Variants in DBN1 observed in about 807,000 individuals in gnomAD.
The protein encoded by DBN1 is drebrin 1.
In DBN1, 21 loss-of-function variants were observed where a neutral mutation model predicts 83.5. The observed-to-expected ratio is 0.25, with a 90% CI of 0.18 to 0.36. DBN1 has a LOEUF of 0.36. DBN1 is among the 10% of genes least tolerant of loss of function. The pLI is 1.00. For missense variants in DBN1, 874 were observed against 935.7 expected (o/e 0.93, Z 0.86); for synonymous variants, 381 against 384.9 (o/e 0.99, Z 0.12).
intron 2 of DBN1, 101 bp from the exon 3 acceptor site, chr5:177,468,321 C>A (rs1158852536): frequency 5.0e-6 from 5 of 1,004,996 alleles, no homozygotes; most frequent in South Asian, 4.0e-5. Context: ...TCCACAGGCA[C>A]CCCCAGGGGT....
Position 177,459,708 on chromosome 5 carries a change from C to A in DBN1, c.988G>T (p.Asp330Tyr). The change falls in exon 11 of 15, where the codon GAC becomes TAC. Residue 330 changes from aspartate (D) to tyrosine (Y), a missense_variant. By Grantham distance (160) the Asp-to-Tyr change is radical. This residue lies in a region of DBN1 where 725 missense variants were observed against 719.7 expected (regional missense o/e 1.01). Transcript: ENST00000393565. ...RPYCPFIKAS[D>Y]SGPSSSSSSS... Reference sequence around the variant, plus strand: ...GAGGAGGAGGAGGAAGGCCCACTGTCCGATGCCTTTATGAAAGGGCAGTAC... The same window carrying A: ...GAGGAGGAGGAGGAAGGCCCACTGTACGATGCCTTTATGAAAGGGCAGTAC... 1 of 1,580,294 alleles carries A rather than the reference C, an allele frequency of 6.3e-7. No homozygotes were observed.
At chr5:177,460,300 G>T in intron 10 of DBN1, 132 bp downstream of exon 10, 1 of 1,335,854 alleles carries the variant, frequency 7.5e-7, no homozygotes, top group Non-Finnish European at 1.0e-6. Context: ...GTGGGCGGAT[G>T]CACGCTGGAT....
intron 1 of DBN1, among the ~76,000 whole-genome samples, chr5:177,471,202 G>A (rs954677921): frequency 3.9e-5 from 6 of 152,074 alleles, no homozygotes; most frequent in African/African-American, 1.2e-4. Flanking sequence ...GAGGGCAGGT[G>A]GACCCCGCAG....
Position 177,458,714 on chromosome 5 carries a change from C to T in DBN1, c.1265-7G>A, listed in dbSNP as rs1756765159. ...GGGCTGGGCTCCTGGGTCTCTGTCA[C>T]AGCACAGGCAGAGGAGATATGTAAC... On this transcript the variant is annotated splice_region_variant and splice_polypyrimidine_tract_variant and intron_variant, in intron 12 of 14. Coordinates refer to ENST00000393565, the MANE Select transcript of DBN1 (RefSeq NM_001363541.2). The T allele has an allele frequency of 2.7e-6, 4 of 1,507,048 alleles. No homozygotes were observed. Among genetic ancestry groups the T allele is most frequent in the Non-Finnish European group, 3.5e-6 (4 of 1,135,534 alleles). 93.4% of individuals were successfully genotyped at this position (1,507,048 alleles called of 1,614,324 possible).
intron 3 of DBN1, 26 bp downstream of exon 3, chr5:177,468,082 C>G: frequency 1.6e-6 from 2 of 1,246,916 alleles, no homozygotes; most frequent in South Asian, 2.4e-5. Flanking sequence ...GGCCCTCAGC[C>G]CCCTTCCCCA....
At position 177,466,735 on chromosome 5, in the gene DBN1, C is replaced by G. The variant is rs1458183803; in HGVS notation, c.771+37G>C. ...GAACACAGGGACCATTCTCACTTCC[C>G]TGACCCAGAGACCGGGAGCCTTGGC... On this transcript the variant is annotated intron_variant, in intron 8 of 14. Coordinates refer to ENST00000393565, the MANE Select transcript of DBN1 (RefSeq NM_001363541.2). The surrounding 1 kb of genome is among the most constrained non-coding windows in gnomAD (Gnocchi z 4.8). The G allele has an allele frequency of 6.2e-7, 1 of 1,612,214 alleles. No individual in the cohort carries two copies. The highest frequency in any genetic ancestry group is 8.5e-7 in the Non-Finnish European group (1 of 1,178,322).
intron 10 of DBN1, 21 bp downstream of exon 10, chr5:177,460,411 G>T: frequency 6.2e-7 from 1 of 1,612,906 alleles, no homozygotes; most frequent in Non-Finnish European, 8.5e-7. Context: ...GGGCCGGACG[G>T]GGGGTGGGGC....
At chr5:177,465,640 G>T (rs1447974800) in intron 8 of DBN1, among the ~76,000 whole-genome samples, 1 of 152,080 alleles carries the variant, frequency 6.6e-6, no homozygotes, top group Non-Finnish European at 1.5e-5. Flanking sequence ...CAGATCAACC[G>T]AGGTCAGGAG....
intron 11 of DBN1, 65 bp downstream of exon 11, chr5:177,459,538 C>G (rs385981): frequency 4.6e-4 from 629 of 1,380,972 alleles, no homozygotes; most frequent in Middle Eastern, 1.0e-3. Flanking sequence ...GGAGTGAGGG[C>G]GGGGGGCTGC....
At chr5:177,469,427 C>T (rs1023631921) in intron 1 of DBN1, among the ~76,000 whole-genome samples, 3 of 152,140 alleles carry the variant, frequency 2.0e-5, no homozygotes, top group African/African-American at 7.2e-5. Context: ...CCCACCCCAA[C>T]TGCATTCTCC....
At chr5:177,468,934 G>T in intron 1 of DBN1, 35 bp from the exon 2 acceptor site, 1 of 1,299,778 alleles carries the variant, frequency 7.7e-7, no homozygotes, top group Non-Finnish European at 9.9e-7. Flanking sequence ...CAAACTGTCA[G>T]GGCCCAGGCC....
chr5:177,472,605 G>A (rs563657956), intron 1 of DBN1, among the ~76,000 whole-genome samples: 20 of 152,164 alleles, frequency 1.3e-4, no homozygotes, highest in African/African-American at 4.8e-4. Flanking sequence ...CCCCTTGCTG[G>A]GGGCCGGTGG....
rs1307217929 is a variant in DBN1 at position 177,473,559 on chromosome 5, G to A, written c.-38C>T. 5 of 1,286,920 alleles carry A rather than the reference G, an allele frequency of 3.9e-6. No homozygotes were observed. The highest frequency in any genetic ancestry group is 1.8e-5 in the South Asian group (1 of 54,108). The allele number at this position is 1,286,920 out of a possible 1,614,324, so 79.7% of individuals were successfully genotyped here. On this transcript the variant is annotated 5_prime_UTR_variant, in exon 1 of 15. Transcript: ENST00000393565. Reference sequence around the variant, plus strand: ...ACCGGGCCGAACGGACAGACGCGCGGACGGACGGGCGGACGGAGGAGGAGG... The same window carrying A: ...ACCGGGCCGAACGGACAGACGCGCGAACGGACGGGCGGACGGAGGAGGAGG...
chr5:177,463,470 G>A (rs1352758987), intron 8 of DBN1, among the ~76,000 whole-genome samples: 1 of 152,208 alleles, frequency 6.6e-6, no homozygotes, highest in African/African-American at 2.4e-5. Context: ...TCAGATACAC[G>A]GGAGCTCCCC....
rs772197027 is a variant in DBN1, at chr5:177,459,758, CAGAG to C, written c.956-22_956-19del. The stretch of plus-strand genomic sequence containing the variant: ...CGGACGACCTGCCGAGAGAGACAGA[CAGAG>C]AAAGAGACAGAGGACAAGAGAGGGT... On this transcript the variant is annotated intron_variant, in intron 10 of 14. Coordinates refer to ENST00000393565, the MANE Select transcript of DBN1 (RefSeq NM_001363541.2). The C allele has an allele frequency of 2.7e-6, 4 of 1,474,184 alleles. No homozygotes were observed. The highest frequency in any genetic ancestry group is 2.5e-5 in the Admixed American group (1 of 40,476). 91.3% of individuals were successfully genotyped at this position (1,474,184 alleles called of 1,614,324 possible). A position where few individuals can be genotyped will look rare whatever the true frequency, so the allele number is the denominator to read the frequency against.
chr5:177,458,198 G>A lies in DBN1; in HGVS notation c.1774C>T (p.Pro592Ser), dbSNP rs764386520. 1.2e-5 allele frequency: 19 copies of A among 1,612,776 alleles called. No homozygotes were observed. The Middle Eastern group carries it at 2.5e-3, about 209-fold the overall frequency. Residue 592 changes from proline to serine, a missense_variant, in exon 13 of 15, where the codon CCA becomes TCA. Around this residue, in one of 4 missense-constraint regions of DBN1, gnomAD observed 725 missense variants for 719.7 expected, o/e 1.01. Transcript: ENST00000393565. ...AGGGACTCCCCTTCCACTTCCTCTG[G>A]GTCACAGAAGGTGGCTGGCGGCTCA... ...LPEPPATFCD[P>S]EEVEGESLAA...
rs774735826 is a variant in DBN1 at position 177,457,608 on chromosome 5, C to T, written c.2017+47G>A. Reference sequence around the variant, plus strand: ...GTGGGGTGGCTACCCACACTCAAATCCAGCCCCCGCACCCAAATTCCTCCC... The same window carrying T: ...GTGGGGTGGCTACCCACACTCAAATTCAGCCCCCGCACCCAAATTCCTCCC... On this transcript the variant is annotated intron_variant, in intron 14 of 14. Coordinates refer to ENST00000393565, the MANE Select transcript of DBN1 (RefSeq NM_001363541.2). 12 of 1,529,802 alleles carry T rather than the reference C, an allele frequency of 7.8e-6. No homozygotes were observed. In the South Asian group the frequency reaches 1.4e-4, roughly 17 times the overall value. The allele number at this position is 1,529,802 out of a possible 1,614,324, so 94.8% of individuals were successfully genotyped here. A position where few individuals can be genotyped will look rare whatever the true frequency, so the allele number is the denominator to read the frequency against.
intron 1 of DBN1, chr5:177,472,132 GAGCTTGTC>G (rs1561690927): frequency 6.2e-7 from 1 of 1,611,718 alleles, no homozygotes; most frequent in Non-Finnish European, 8.5e-7. Context: ...CAGGACACGA[GAGCTTGTC>G]TCTCGCGTCC....
chr5:177,456,964 T>G lies in DBN1; in HGVS notation c.*469A>C. Reference sequence around the variant, plus strand: ...AGCCCACGAGCCATTTATTGCCATGTTTTAAAATTCGTGCAAAATATCTGA... The same window carrying G: ...AGCCCACGAGCCATTTATTGCCATGGTTTAAAATTCGTGCAAAATATCTGA... On this transcript the variant is annotated 3_prime_UTR_variant, in exon 15 of 15. Transcript: ENST00000393565. The G allele has an allele frequency of 6.5e-6, 1 of 155,028 alleles. No individual in the cohort carries two copies. Among genetic ancestry groups the G allele is most frequent in the South Asian group, 1.8e-4 (1 of 5,510 alleles). 9.6% of individuals were successfully genotyped at this position (155,028 alleles called of 1,614,324 possible).
Sources: allele counts gnomAD v4.1 joint callset (sites outside exome capture counted in the v4.1 genomes callset), GRCh38; gene constraint gnomAD v4.1.1; regional missense constraint gnomAD v4.1.1; non-coding constraint Gnocchi (gnomAD v3.1); transcripts MANE v1.5; gene names NCBI Gene and HGNC (gene_info 2026-07-23, HGNC 2026-07-21).